Variants in RRM2 observed in about 807,000 individuals in gnomAD.
RRM2 encodes the protein ribonucleotide reductase regulatory subunit M2.
Under a neutral mutation model 45.9 loss-of-function variants are expected in RRM2, and 6 were observed. That is an observed-to-expected ratio of 0.13 (90% CI 0.07 to 0.26). The LOEUF is 0.26. RRM2 is among the 10% of genes least tolerant of loss of function. The pLI, the probability that RRM2 is intolerant of heterozygous loss-of-function variation, is 1.00. For missense variants in RRM2, 343 were observed against 489.5 expected (o/e 0.70, Z 2.82); for synonymous variants, 177 against 173.0 (o/e 1.02, Z -0.18).
At chr2:10,135,487 G>C (rs1662972974), downstream of RRM2, among the ~76,000 whole-genome samples, 1 of 152,140 alleles carries the variant, frequency 6.6e-6, no homozygotes, top group African/African-American at 2.4e-5. Flanking sequence ...CCCTGGTGGG[G>C]GAGGGGAGGG....
At chr2:10,200,209 C>T (rs1664518607) in intron 3 of RRM2, among the ~76,000 whole-genome samples, 1 of 152,124 alleles carries the variant, frequency 6.6e-6, no homozygotes, top group Non-Finnish European at 1.5e-5. Flanking sequence ...TTCAAAAAAA[C>T]TCTGTTTCAT....
At chr2:10,177,663 TTTCC>T (rs138844800) in intron 3 of RRM2, among the ~76,000 whole-genome samples, 34,440 of 140,972 alleles carry the variant, frequency 0.24, 5,013 homozygotes, top group Non-Finnish European at 0.33. Flanking sequence ...CTTCTTTCCT[TTTCC>T]TTCCTTCCTT....
intron 3 of RRM2, among the ~76,000 whole-genome samples, chr2:10,163,694 G>A (rs1482079650): frequency 6.6e-6 from 1 of 152,176 alleles, no homozygotes; most frequent in Admixed American, 6.5e-5. Flanking sequence ...TCGGTTCCCC[G>A]GCTGCCCAGT....
At chr2:10,142,635 C>T (rs188114241) in intron 3 of RRM2, among the ~76,000 whole-genome samples, 11 of 23,892 alleles carry the variant, frequency 4.6e-4, no homozygotes, top group Middle Eastern at 0.014. Flanking sequence ...TCAGTATAGC[C>T]GTATCCCTGC....
chr2:10,154,234 G>A (rs1663375932), intron 3 of RRM2, among the ~76,000 whole-genome samples: 1 of 152,198 alleles, frequency 6.6e-6, no homozygotes, highest in Non-Finnish European at 1.5e-5. Context: ...AGCACTTTGG[G>A]AGGCCTAGGC....
rs199673606 is a variant in RRM2 at position 10,122,785 on chromosome 2, G to C, written c.-14G>C. The C allele has an allele frequency of 6.3e-7, 1 of 1,575,332 alleles. No individual in the cohort carries two copies. The highest frequency in any genetic ancestry group is 2.3e-5 in the East Asian group (1 of 43,244). ...CTGTCCTGGCTGCTCGCTCTGCTTCGCTGCGCCTCCACTATGCTCTCCCTC... is the reference window on the plus strand; with the variant it reads ...CTGTCCTGGCTGCTCGCTCTGCTTCCCTGCGCCTCCACTATGCTCTCCCTC... On this transcript the variant is annotated 5_prime_UTR_variant, in exon 1 of 10. Transcript: ENST00000304567.
At chr2:10,122,738 C>A (rs72542788), upstream of RRM2, 2 of 1,553,170 alleles carry the variant, frequency 1.3e-6, no homozygotes, top group African/African-American at 2.7e-5. Context: ...AGGGGTCGCC[C>A]GTGCACCCTG....
At chr2:10,164,403 C>A (rs574957470) in intron 3 of RRM2, among the ~76,000 whole-genome samples, 11 of 152,170 alleles carry the variant, frequency 7.2e-5, no homozygotes, top group Non-Finnish European at 1.5e-4. Context: ...AGAACAAGGA[C>A]TGGCAGTAAG....
chr2:10,187,754 A>C (rs887573195), intron 3 of RRM2, among the ~76,000 whole-genome samples: 8 of 152,162 alleles, frequency 5.3e-5, no homozygotes, highest in African/African-American at 1.9e-4. Flanking sequence ...GGGCAGGTTC[A>C]GGCCCCTTCT....
At chr2:10,154,538 G>C (rs544573624) in intron 3 of RRM2, among the ~76,000 whole-genome samples, 1 of 151,406 alleles carries the variant, frequency 6.6e-6, no homozygotes, top group Admixed American at 6.6e-5. Context: ...GTATGAGGTT[G>C]CATGGTCAAT....
chr2:10,152,634 A>G (rs1663337695), intron 3 of RRM2, among the ~76,000 whole-genome samples: 1 of 151,726 alleles, frequency 6.6e-6, no homozygotes, highest in Non-Finnish European at 1.5e-5. Flanking sequence ...AGGCGCCCGC[A>G]AGCATGTGTG....
chr2:10,142,358 G>A, exon 3 of RRM2: 1 of 1,374,058 alleles, frequency 7.3e-7, no homozygotes, highest in Non-Finnish European at 9.7e-7. Flanking sequence ...GGAAGCGGGA[G>A]GCAGTTGCAG....
chr2:10,126,035 A>G (rs1662769761), intron 5 of RRM2, among the ~76,000 whole-genome samples: 1 of 151,536 alleles, frequency 6.6e-6, no homozygotes, highest in African/African-American at 2.4e-5. Flanking sequence ...AGTCTGAGCT[A>G]GTAGTCCCAG....
chr2:10,162,935 C>T (rs1663596965), intron 3 of RRM2, among the ~76,000 whole-genome samples: 1 of 152,220 alleles, frequency 6.6e-6, no homozygotes, highest in Non-Finnish European at 1.5e-5. Context: ...AGGAGGAGCC[C>T]CAGCCTGGCT....
At chr2:10,175,144 G>A (rs1339052613) in intron 3 of RRM2, among the ~76,000 whole-genome samples, 1 of 152,218 alleles carries the variant, frequency 6.6e-6, no homozygotes, top group Non-Finnish European at 1.5e-5. Flanking sequence ...AGAAGTTTTA[G>A]ACATGTGCAT....
intron 5 of RRM2, among the ~76,000 whole-genome samples, chr2:10,125,537 C>G (rs983258104): frequency 2.0e-5 from 3 of 152,122 alleles, no homozygotes; most frequent in Admixed American, 1.3e-4. Context: ...AACCCCGTCT[C>G]TACTAAAAAT....
At chr2:10,193,217 C>T (rs1664347164) in intron 3 of RRM2, among the ~76,000 whole-genome samples, 2 of 152,298 alleles carry the variant, frequency 1.3e-5, no homozygotes, top group East Asian at 3.9e-4. Context: ...GTCAATGACT[C>T]ACTTGCCCTT....
At chr2:10,122,609 G>A (rs1465780971), upstream of RRM2, 3 of 1,514,330 alleles carry the variant, frequency 2.0e-6, no homozygotes, top group Non-Finnish European at 2.7e-6. Context: ...GTAGGGGCAA[G>A]GCGCAGCCAA....
chr2:10,197,564 G>T (rs1232454386), intron 3 of RRM2, among the ~76,000 whole-genome samples: 6 of 152,012 alleles, frequency 3.9e-5, no homozygotes, highest in African/African-American at 1.2e-4. Context: ...GCACCTGTGG[G>T]TGGCCATACC....
Sources: allele counts gnomAD v4.1 joint callset (sites outside exome capture counted in the v4.1 genomes callset), GRCh38; gene constraint gnomAD v4.1.1; transcripts MANE v1.5; gene names NCBI Gene and HGNC (gene_info 2026-07-23, HGNC 2026-07-21).